TRDN: variants seen among roughly 807,000 people sequenced by gnomAD.
TRDN encodes triadin in skeletal muscle.
TRDN carries 161 observed loss-of-function variants against 149.7 expected under a neutral mutation model. The observed-to-expected ratio is 1.08, with a 90% CI of 0.95 to 1.23. The LOEUF (loss-of-function observed/expected upper bound fraction) is 1.23, where lower values mean the gene tolerates loss of function less well. Among genes scored for constraint, TRDN ranks in the 50% most tolerant of loss-of-function variants. TRDN has a pLI of 0.00. For synonymous variants in TRDN, 294 were observed against 250.5 expected, an observed-to-expected ratio of 1.17 and a Z score of -1.64; for missense variants, 896 against 823.5, an observed-to-expected ratio of 1.09 and a Z score of -1.08.
At chr6:123,588,792 G>C (rs776835114) in intron 1 of TRDN, among the ~76,000 whole-genome samples, 1 of 152,142 alleles carries the variant, frequency 6.6e-6, no homozygotes, top group Non-Finnish European at 1.5e-5. Context: ...CCAGTCCATA[G>C]CATGTATCTT....
intron 12 of TRDN, chr6:123,418,501 C>A (rs1159558514): frequency 6.6e-6 from 1 of 152,154 alleles, no homozygotes; most frequent in Admixed American, 6.5e-5. Context: ...ATACAACATA[C>A]TTTCATCCCA....
intron 35 of TRDN, among the ~76,000 whole-genome samples, chr6:123,258,062 C>A (rs1350550476): frequency 6.6e-6 from 1 of 152,132 alleles, no homozygotes; most frequent in African/African-American, 2.4e-5. Context: ...TCTAAATATA[C>A]AATCATGTCA....
At chr6:123,435,894 T>C (rs1434907425) in intron 12 of TRDN, among the ~76,000 whole-genome samples, 1 of 151,968 alleles carries the variant, frequency 6.6e-6, no homozygotes, top group Non-Finnish European at 1.5e-5. Context: ...AACACAGGTC[T>C]CCCAGTGGCA....
chr6:123,522,517 C>CTTTTTTTTTTTTTT (rs375665403), intron 5 of TRDN, among the ~76,000 whole-genome samples: 1 of 87,224 alleles, frequency 1.1e-5, no homozygotes, highest in African/African-American at 4.9e-5. Context: ...TGCGGTTCCT[C>CTTTTTTTTTTTTTT]TTTTTTTTTT....
intron 1 of TRDN, among the ~76,000 whole-genome samples, chr6:123,595,582 C>A (rs1036173234): frequency 6.6e-6 from 1 of 152,168 alleles, no homozygotes; most frequent in Admixed American, 6.6e-5. Context: ...GTTGTAGCAA[C>A]CCTGCGTCCA....
At chr6:123,553,824 C>G (rs970742919) in intron 2 of TRDN, among the ~76,000 whole-genome samples, 1 of 152,116 alleles carries the variant, frequency 6.6e-6, no homozygotes, top group Non-Finnish European at 1.5e-5. Flanking sequence ...AATTATCTCC[C>G]ACTGGGGCCC....
In TRDN at chr6:123,547,418, A is replaced by T. The variant is rs1005594008; in HGVS notation, c.392-46T>A. On this transcript the variant is annotated intron_variant, in intron 3 of 40. Coordinates refer to ENST00000334268, the MANE Select transcript of TRDN (RefSeq NM_006073.4). ...AAACAAAGTTAGAAAATATTTTAGCATAGAATAATATGACATCATTATTTT... is the reference window on the plus strand; with the variant it reads ...AAACAAAGTTAGAAAATATTTTAGCTTAGAATAATATGACATCATTATTTT... The T allele has an allele frequency of 1.4e-5, 15 of 1,110,320 alleles. No individual in the cohort carries two copies. In the African/African-American group the frequency reaches 2.3e-4, roughly 17 times the overall value. 68.8% of individuals were successfully genotyped at this position (1,110,320 alleles called of 1,614,324 possible). A position where few individuals can be genotyped will look rare whatever the true frequency, so the allele number is the denominator to read the frequency against.
chr6:123,435,874 C>T (rs893802295), intron 12 of TRDN, among the ~76,000 whole-genome samples: 1 of 152,000 alleles, frequency 6.6e-6, no homozygotes, highest in African/African-American at 2.4e-5. Flanking sequence ...GACATGACTG[C>T]TGGGCTAATA....
At chr6:123,565,687 G>C (rs1403417318) in intron 2 of TRDN, among the ~76,000 whole-genome samples, 5 of 152,100 alleles carry the variant, frequency 3.3e-5, no homozygotes, top group African/African-American at 7.2e-5. Context: ...TGCAGCTCAC[G>C]CTCATGATCC....
chr6:123,583,243 T>C (rs777865300), intron 1 of TRDN, among the ~76,000 whole-genome samples: 3 of 152,018 alleles, frequency 2.0e-5, no homozygotes, highest in Non-Finnish European at 4.4e-5. Context: ...AGGGCATGTA[T>C]GAGTAGTTGA....
intron 1 of TRDN, among the ~76,000 whole-genome samples, chr6:123,601,953 T>C (rs936166163): frequency 2.0e-5 from 3 of 151,994 alleles, no homozygotes; most frequent in African/African-American, 7.2e-5. Flanking sequence ...TGGAAAATGG[T>C]GGTATCAAGA....
At chr6:123,514,692 G>A (rs1761931125) in intron 6 of TRDN, among the ~76,000 whole-genome samples, 1 of 151,796 alleles carries the variant, frequency 6.6e-6, no homozygotes, top group Non-Finnish European at 1.5e-5. Context: ...GGCAGTGAGT[G>A]TGAACAGTTA....
chr6:123,363,695 C>T (rs144102952), intron 20 of TRDN, among the ~76,000 whole-genome samples: 1 of 152,258 alleles, frequency 6.6e-6, no homozygotes, highest in African/African-American at 2.4e-5. Flanking sequence ...ACTCAGTGAC[C>T]ATTCTTAGTT....
intron 38 of TRDN, 134 bp from the exon 39 acceptor site, chr6:123,224,265 A>G (rs1443680197): frequency 5.1e-6 from 4 of 786,844 alleles, no homozygotes; most frequent in Non-Finnish European, 8.2e-6. Flanking sequence ...GTCTCCATAA[A>G]TAAGAGCTGT....
At chr6:123,376,550 C>T (rs989072) in intron 18 of TRDN, among the ~76,000 whole-genome samples, 136,430 of 152,174 alleles carry the variant, frequency 0.9, 61,431 homozygotes, top group East Asian at 0.99. Flanking sequence ...CGGCTTCTTC[C>T]AATTTCTGAC....
chr6:123,432,083 T>C (rs1774359951), intron 12 of TRDN, among the ~76,000 whole-genome samples: 1 of 152,182 alleles, frequency 6.6e-6, no homozygotes, highest in Non-Finnish European at 1.5e-5. Context: ...ATGAGTTCTA[T>C]ACTAGACAAA....
chr6:123,287,120 T>G (rs1777830612), intron 24 of TRDN, among the ~76,000 whole-genome samples: 1 of 152,134 alleles, frequency 6.6e-6, no homozygotes. Flanking sequence ...AATGATGAAA[T>G]CTCACCAATA....
chr6:123,297,421 G>C (rs1778243351), intron 24 of TRDN, among the ~76,000 whole-genome samples: 1 of 151,992 alleles, frequency 6.6e-6, no homozygotes, highest in Non-Finnish European at 1.5e-5. Flanking sequence ...GAAGTTAATA[G>C]AGAACCAATA....
intron 23 of TRDN, among the ~76,000 whole-genome samples, chr6:123,323,296 C>T (rs1039075903): frequency 6.6e-6 from 1 of 152,034 alleles, no homozygotes; most frequent in Non-Finnish European, 1.5e-5. Flanking sequence ...TTCAGAGTGG[C>T]TACACGAACT....
Sources: gnomAD v4.1 joint callset for allele counts (sites outside exome capture counted in the v4.1 genomes callset) on GRCh38, gnomAD v4.1.1 for gene constraint, MANE v1.5 for transcripts, NCBI Gene and HGNC (gene_info 2026-07-23, HGNC 2026-07-21) for gene names.